The following PACSIN2 variants were observed in gnomAD, a reference collection of about 807,000 sequenced individuals.
PACSIN2 encodes protein kinase C and casein kinase substrate in neurons protein 2.
A neutral mutation model predicts 63.8 loss-of-function variants in PACSIN2; 25 were observed. The ratio of observed to expected loss-of-function variants is 0.39; its 90% CI spans 0.29 to 0.55. The LOEUF (loss-of-function observed/expected upper bound fraction) is 0.55, where lower values mean the gene tolerates loss of function less well. PACSIN2 is among the 20% of genes least tolerant of loss of function. PACSIN2 has a pLI of 0.62. For synonymous variants in PACSIN2, 255 were observed against 256.2 expected (o/e 1.00, Z 0.05); for missense variants, 518 against 646.9 (o/e 0.80, Z 2.16).
intron 2 of PACSIN2, among the ~76,000 whole-genome samples, chr22:42,905,568 G>A (rs985598823): frequency 2.0e-5 from 3 of 152,190 alleles, no homozygotes; most frequent in African/African-American, 7.2e-5. Flanking sequence ...GACCTGCGAC[G>A]GTGCACCCCA....
chr22:42,909,450 TG>T (rs2146715070), intron 2 of PACSIN2: 1 of 459,472 alleles, frequency 2.2e-6, no homozygotes, highest in East Asian at 7.2e-5. Flanking sequence ...CAGTTGGCAG[TG>T]TGCACCTGAG....
rs745523623 is a variant in PACSIN2, at chr22:42,987,449, A to AACACACAC, written c.-78+27564_-78+27571dup. Among the ~76,000 whole-genome samples the AACACACAC allele has an allele frequency of 1.4e-3, 119 of 87,082 alleles. 1 individual carries two copies. Among genetic ancestry groups the AACACACAC allele is most frequent in the East Asian group, 4.4e-3 (8 of 1,800 alleles). 57.1% of individuals were successfully genotyped at this position (87,082 alleles called of 152,430 possible). ...GACACCCCACCCTGAGTCCAGGAGC[A>AACACACAC]ACACACACACACACACACACACACA... On this transcript the variant is annotated intron_variant, in intron 1 of 10. Transcript: ENST00000263246.
chr22:42,882,959 T>C (rs998735209), intron 6 of PACSIN2, among the ~76,000 whole-genome samples: 8 of 152,112 alleles, frequency 5.3e-5, no homozygotes, highest in Admixed American at 4.6e-4. Flanking sequence ...CCATCAAGGG[T>C]TGAATTGTGT....
intron 1 of PACSIN2, among the ~76,000 whole-genome samples, chr22:42,997,959 C>G (rs139791037): frequency 6.6e-6 from 1 of 152,148 alleles, no homozygotes; most frequent in African/African-American, 2.4e-5. Context: ...CAGTGACCAC[C>G]GTTAGGTGAG....
At chr22:43,004,775 C>T (rs1036362327) in intron 1 of PACSIN2, among the ~76,000 whole-genome samples, 4 of 152,370 alleles carry the variant, frequency 2.6e-5, no homozygotes, top group Non-Finnish European at 4.4e-5. Context: ...GACCACCCTG[C>T]AGGTCCAGGC....
chr22:43,012,739 G>A (rs1372086567), intron 1 of PACSIN2, among the ~76,000 whole-genome samples: 2 of 151,566 alleles, frequency 1.3e-5, no homozygotes, highest in South Asian at 2.1e-4. Flanking sequence ...CGCAACCTCC[G>A]CCTCCTGGGT....
chr22:42,981,826 G>GT, intron 1 of PACSIN2, among the ~76,000 whole-genome samples: 1 of 123,914 alleles, frequency 8.1e-6, no homozygotes, highest in Admixed American at 7.5e-5. Context: ...AGGGAGGTGG[G>GT]GGGTCAGCCC....
At chr22:42,914,051 T>G (rs1931645996) in intron 1 of PACSIN2, among the ~76,000 whole-genome samples, 1 of 152,230 alleles carries the variant, frequency 6.6e-6, no homozygotes, top group South Asian at 2.1e-4. Context: ...GTGAGGAGAC[T>G]GTTGCAGGAC....
chr22:42,979,177 A>G (rs529162828), intron 1 of PACSIN2, among the ~76,000 whole-genome samples: 29 of 152,282 alleles, frequency 1.9e-4, no homozygotes, highest in African/African-American at 7.0e-4. Flanking sequence ...CCACTGCCCA[A>G]GGCCCAATGA....
At chr22:42,962,786 G>GA (rs1569329752) in intron 1 of PACSIN2, among the ~76,000 whole-genome samples, 2 of 131,394 alleles carry the variant, frequency 1.5e-5, no homozygotes, top group Non-Finnish European at 3.2e-5. Flanking sequence ...GGGGGGGGGG[G>GA]GCGGCGCAGA....
At chr22:42,981,383 G>GC (rs1351840570) in intron 1 of PACSIN2, among the ~76,000 whole-genome samples, 1 of 137,314 alleles carries the variant, frequency 7.3e-6, no homozygotes, top group Non-Finnish European at 1.6e-5. Flanking sequence ...CCGACCAGCC[G>GC]CCCCGTCCGG....
chr22:42,900,779 T>A (rs955395434), intron 2 of PACSIN2, among the ~76,000 whole-genome samples: 2 of 152,198 alleles, frequency 1.3e-5, no homozygotes, highest in Admixed American at 1.3e-4. Context: ...CGACCTAGTG[T>A]CCCTATTTTA....
At chr22:42,882,364 G>A in intron 6 of PACSIN2, 60 bp from the exon 7 acceptor site, 1 of 1,552,784 alleles carries the variant, frequency 6.4e-7, no homozygotes. Context: ...CTTTGTCCCA[G>A]CCCAGTGCCA....
At chr22:43,007,282 T>C (rs944915254) in intron 1 of PACSIN2, among the ~76,000 whole-genome samples, 1 of 151,246 alleles carries the variant, frequency 6.6e-6, no homozygotes, top group African/African-American at 2.4e-5. Flanking sequence ...AGTAGCACTA[T>C]CCTGGCTCAC....
intron 1 of PACSIN2, among the ~76,000 whole-genome samples, chr22:42,912,518 T>C (rs147489195): frequency 9.2e-5 from 14 of 152,294 alleles, no homozygotes; most frequent in Non-Finnish European, 2.1e-4. Context: ...CTCTCCAGAG[T>C]GGCTACCACA....
rs533827243 is a variant in PACSIN2, at chr22:42,990,779, C to T, written c.-78+24242G>A. Among the ~76,000 whole-genome samples the T allele has an allele frequency of 2.6e-5, 4 of 152,198 alleles. No individual in the cohort carries two copies. In the South Asian group the frequency reaches 8.3e-4, roughly 32 times the overall value. ...TTAATCTCAGACAGTCCGACCCCTC[C>T]CCGTTGCCAATAAGAACATGAAGAT... On this transcript the variant is annotated intron_variant, in intron 1 of 10. Coordinates refer to ENST00000263246, the MANE Select transcript of PACSIN2 (RefSeq NM_001184970.3).
chr22:42,918,460 A>G (rs912289950), intron 1 of PACSIN2, among the ~76,000 whole-genome samples: 4 of 152,222 alleles, frequency 2.6e-5, no homozygotes, highest in African/African-American at 9.7e-5. Context: ...GGGTGAGGTG[A>G]ACTTCAGATA....
At chr22:42,986,947 A>G (rs1295363261) in intron 1 of PACSIN2, among the ~76,000 whole-genome samples, 3 of 152,182 alleles carry the variant, frequency 2.0e-5, no homozygotes, top group Admixed American at 6.5e-5. Flanking sequence ...CTTCTTGAGT[A>G]AAGTTTATTG....
chr22:42,898,063 G>A (rs1470395523), intron 2 of PACSIN2, among the ~76,000 whole-genome samples: 2 of 152,106 alleles, frequency 1.3e-5, no homozygotes, highest in African/African-American at 2.4e-5. Context: ...GGGACATCCT[G>A]GAAGGAAGAA....
Sources: gnomAD v4.1 joint callset for allele counts (sites outside exome capture counted in the v4.1 genomes callset) on GRCh38, gnomAD v4.1.1 for gene constraint, MANE v1.5 for transcripts, NCBI Gene and HGNC (gene_info 2026-07-23, HGNC 2026-07-21) for gene names.